The following NXPE4 variants were observed in gnomAD, a reference collection of about 807,000 sequenced individuals.
NXPE4 encodes the protein NXPE family member 4.
Under a neutral mutation model 33.3 loss-of-function variants are expected in NXPE4, and 42 were observed. The observed-to-expected ratio is 1.26, with a 90% CI of 0.98 to 1.63. The LOEUF is 1.63. Among genes scored for constraint, NXPE4 ranks in the 40% most tolerant of loss-of-function variants. The pLI, the probability that NXPE4 is intolerant of heterozygous loss-of-function variation, is 0.00. For missense variants in NXPE4, 709 were observed against 647.6 expected, an observed-to-expected ratio of 1.09 and a Z score of -1.03; for synonymous variants, 253 against 234.9, an observed-to-expected ratio of 1.08 and a Z score of -0.71.
the NXPE4 span, among the ~76,000 whole-genome samples, chr11:114,640,536 A>G: frequency 6.6e-6 from 1 of 151,734 alleles, no homozygotes; most frequent in Non-Finnish European, 1.5e-5. Flanking sequence ...CCTCCATACT[A>G]TTTACACAGA....
chr11:114,652,628 G>A, the NXPE4 span, among the ~76,000 whole-genome samples: 1 of 152,184 alleles, frequency 6.6e-6, no homozygotes, highest in Admixed American at 6.5e-5. Context: ...TCATCAGGAG[G>A]TAATAAAGTC....
chr11:114,662,070 C>A, the NXPE4 span, among the ~76,000 whole-genome samples: 23 of 152,148 alleles, frequency 1.5e-4, no homozygotes, highest in Non-Finnish European at 1.0e-4. Context: ...ACAAAAGAAG[C>A]ACTTTTATAA....
intron 5 of NXPE4, among the ~76,000 whole-genome samples, chr11:114,574,689 T>C (rs775838102): frequency 1.4e-4 from 22 of 152,094 alleles, no homozygotes; most frequent in Non-Finnish European, 2.5e-4. Context: ...AACAGTGAGA[T>C]TGAAATGATA....
chr11:114,676,552 C>A, the NXPE4 span, among the ~76,000 whole-genome samples: 1 of 151,814 alleles, frequency 6.6e-6, no homozygotes, highest in Non-Finnish European at 1.5e-5. Context: ...ATTAAAACTA[C>A]AATGAGAGAT....
the NXPE4 span, among the ~76,000 whole-genome samples, chr11:114,673,553 A>G: frequency 6.6e-6 from 1 of 151,754 alleles, no homozygotes; most frequent in Non-Finnish European, 1.5e-5. Context: ...TCAAAAGACC[A>G]ATAAAATTGA....
the NXPE4 span, among the ~76,000 whole-genome samples, chr11:114,622,315 G>A: frequency 6.7e-6 from 1 of 149,014 alleles, no homozygotes; most frequent in African/African-American, 2.5e-5. Context: ...GCCTCATGGG[G>A]AACCACTGTT....
chr11:114,602,215 A>T, the NXPE4 span, among the ~76,000 whole-genome samples: 1 of 107,324 alleles, frequency 9.3e-6, no homozygotes, highest in Non-Finnish European at 1.7e-5. Flanking sequence ...TATATACAAT[A>T]TATGTTATAG....
the NXPE4 span, among the ~76,000 whole-genome samples, chr11:114,604,382 G>A: frequency 5.3e-5 from 8 of 151,976 alleles, no homozygotes; most frequent in East Asian, 1.2e-3. Flanking sequence ...TGCCTCGTGG[G>A]TAACCACTGT....
Position 114,571,427 on chromosome 11 carries a change from C to T in NXPE4, c.1146G>A (p.Gln382=). ...DLHESGKLQH[Q]LAVDLDRNIN... is the part of the protein sequence containing the mutation. ...TGTTCCTATCCAAATCCACAGCAAG[C>T]TGGTGTTGCAATTTTCCAGATTCAT... The change falls in exon 6 of 6, where the codon CAG becomes CAA. Residue 382 remains glutamine, a synonymous_variant. Coordinates refer to ENST00000375478, the MANE Select transcript of NXPE4 (RefSeq NM_001077639.2). 1.9e-6 allele frequency: 3 copies of T among 1,611,218 alleles called. No individual in the cohort carries two copies. Among genetic ancestry groups the T allele is most frequent in the Non-Finnish European group, 2.5e-6 (3 of 1,177,662 alleles).
At chr11:114,619,883 T>C in the NXPE4 span, among the ~76,000 whole-genome samples, 1 of 152,064 alleles carries the variant, frequency 6.6e-6, no homozygotes, top group Admixed American at 6.6e-5. Flanking sequence ...GCCTCGTGGG[T>C]AAGAATTCTT....
chr11:114,614,253 G>A, the NXPE4 span, among the ~76,000 whole-genome samples: 1 of 152,044 alleles, frequency 6.6e-6, no homozygotes, highest in Middle Eastern at 3.5e-3. Context: ...TTACCCTGTG[G>A]ATAGTAAGTA....
chr11:114,607,517 G>A, the NXPE4 span, among the ~76,000 whole-genome samples: 1 of 151,744 alleles, frequency 6.6e-6, no homozygotes, highest in African/African-American at 2.4e-5. Flanking sequence ...GTTTTGCCTG[G>A]TGGGTAACCA....
the NXPE4 span, among the ~76,000 whole-genome samples, chr11:114,607,178 A>T: frequency 6.7e-6 from 1 of 149,770 alleles, no homozygotes; most frequent in Admixed American, 6.7e-5. Context: ...TCAGTGTTGC[A>T]TCGTGGGTGA....
At chr11:114,580,100 G>C (rs1337497625) in intron 5 of NXPE4, 32 bp downstream of exon 5, 4 of 1,534,674 alleles carry the variant, frequency 2.6e-6, no homozygotes, top group Non-Finnish European at 2.7e-6. Context: ...TTTCTGAAAG[G>C]GGTAAGAATT....
chr11:114,625,700 G>T, the NXPE4 span, among the ~76,000 whole-genome samples: 1 of 152,146 alleles, frequency 6.6e-6, no homozygotes, highest in Non-Finnish European at 1.5e-5. Flanking sequence ...AACAGCCCCG[G>T]TCTACAGCTC....
the NXPE4 span, among the ~76,000 whole-genome samples, chr11:114,650,750 C>T: frequency 2.0e-5 from 3 of 152,106 alleles, no homozygotes; most frequent in Admixed American, 6.5e-5. Flanking sequence ...AGGCAGAGTG[C>T]GGTTGCCACA....
the NXPE4 span, among the ~76,000 whole-genome samples, chr11:114,619,126 G>A: frequency 9.2e-5 from 14 of 152,096 alleles, no homozygotes; most frequent in South Asian, 6.2e-4. Context: ...GTGTTGCCTC[G>A]TGGGTAACCA....
At chr11:114,651,178 G>A in the NXPE4 span, among the ~76,000 whole-genome samples, 5 of 152,228 alleles carry the variant, frequency 3.3e-5, no homozygotes, top group South Asian at 4.1e-4. Flanking sequence ...GAATGAAGCC[G>A]TGGACCCTCG....
At chr11:114,612,335 G>A in the NXPE4 span, among the ~76,000 whole-genome samples, 3 of 143,310 alleles carry the variant, frequency 2.1e-5, no homozygotes, top group East Asian at 2.2e-4. Flanking sequence ...CTGGTGGATA[G>A]TAAGTACTGC....
Sources: gnomAD v4.1 joint callset for allele counts (sites outside exome capture counted in the v4.1 genomes callset) on GRCh38, gnomAD v4.1.1 for gene constraint, MANE v1.5 for transcripts, NCBI Gene and HGNC (gene_info 2026-07-23, HGNC 2026-07-21) for gene names.